Variants in ESYT2 observed in about 807,000 individuals in gnomAD.
The protein encoded by ESYT2 is extended synaptotagmin 2.
ESYT2 carries 54 observed loss-of-function variants against 107.2 expected under a neutral mutation model. The ratio of observed to expected loss-of-function variants is 0.50; its 90% CI spans 0.40 to 0.63. The LOEUF (loss-of-function observed/expected upper bound fraction) is 0.63, where lower values mean the gene tolerates loss of function less well. ESYT2 is among the 30% of genes least tolerant of loss of function. The probability of loss-of-function intolerance (pLI) is 0.00; values close to 1 mark genes in which losing one functional copy is unlikely to be tolerated. For missense variants in ESYT2, 1,020 were observed against 1,094.5 expected (o/e 0.93, Z 0.96); for synonymous variants, 491 against 434.1 (o/e 1.13, Z -1.63).
intron 1 of ESYT2, 152 bp downstream of exon 1, chr7:158,828,937 G>C: frequency 7.5e-7 from 1 of 1,329,930 alleles, no homozygotes; most frequent in Non-Finnish European, 9.8e-7. Flanking sequence ...CCTGGACCGG[G>C]GTGGGTGGGG....
intron 1 of ESYT2, among the ~76,000 whole-genome samples, chr7:158,815,170 A>C (rs1253758539): frequency 1.3e-5 from 2 of 152,200 alleles, no homozygotes; most frequent in Admixed American, 1.3e-4. Context: ...CACTCCTCCG[A>C]GTGCAGAGAG....
At chr7:158,763,381 G>A (rs1165461826) in intron 9 of ESYT2, among the ~76,000 whole-genome samples, 5 of 151,948 alleles carry the variant, frequency 3.3e-5, no homozygotes, top group East Asian at 1.9e-4. Context: ...TGCAACCTCC[G>A]CCTCCTGGGT....
intron 1 of ESYT2, among the ~76,000 whole-genome samples, chr7:158,826,593 C>T (rs542158411): frequency 1.9e-3 from 280 of 151,230 alleles, no homozygotes; most frequent in Admixed American, 3.3e-3. Context: ...GAGGCTGAGG[C>T]GGGTGGATCA....
At chr7:158,735,786 A>G (rs560762825) in intron 20 of ESYT2, among the ~76,000 whole-genome samples, 178 bp from the exon 21 acceptor site, 1 of 152,006 alleles carries the variant, frequency 6.6e-6, no homozygotes, top group Non-Finnish European at 1.5e-5. Flanking sequence ...AAAAACCAAC[A>G]TTTTTTTCAT....
chr7:158,746,253 C>CAT (rs1447280347), intron 16 of ESYT2, among the ~76,000 whole-genome samples: 1 of 150,904 alleles, frequency 6.6e-6, no homozygotes, highest in Non-Finnish European at 1.5e-5. Flanking sequence ...CACACACACA[C>CAT]ACGCCCCTCC....
chr7:158,738,878 C>A (rs1837083318), intron 19 of ESYT2, 145 bp downstream of exon 19: 3 of 803,910 alleles, frequency 3.7e-6, no homozygotes, highest in Non-Finnish European at 3.9e-6. Flanking sequence ...TTTACGAGCA[C>A]CGTCTCTAGA....
Position 158,828,667 on chromosome 7 carries a change from G to T in ESYT2, c.330+422C>A, listed in dbSNP as rs567602177. ...GGACGCCCGACTTGGACGGAGGGAG[G>T]GCACGGAGCACTCAGGACTAGGGCG... On this transcript the variant is annotated intron_variant, in intron 1 of 22. Coordinates refer to ENST00000275418, the MANE Select transcript of ESYT2 (RefSeq NM_001367773.1). Among the ~76,000 whole-genome samples the T allele has an allele frequency of 5.3e-5, 8 of 152,342 alleles. No homozygotes were observed. The East Asian group carries it at 1.5e-3, about 29-fold the overall frequency.
chr7:158,800,012 T>C (rs1437419071), intron 1 of ESYT2, among the ~76,000 whole-genome samples: 2 of 152,120 alleles, frequency 1.3e-5, no homozygotes, highest in Non-Finnish European at 2.9e-5. Context: ...CTATACACAT[T>C]TGCATATGCG....
At chr7:158,803,807 C>T (rs2602558) in intron 1 of ESYT2, among the ~76,000 whole-genome samples, 92,609 of 115,498 alleles carry the variant, frequency 0.8, 36,759 homozygotes, top group East Asian at 0.83. Context: ...AAACCCAAAC[C>T]GTTGAGAAGG....
chr7:158,775,702 G>A (rs1838538204), intron 6 of ESYT2, among the ~76,000 whole-genome samples: 3 of 152,076 alleles, frequency 2.0e-5, no homozygotes, highest in African/African-American at 7.2e-5. Context: ...TTCCACTGAA[G>A]TCTTAAACCC....
intron 16 of ESYT2, among the ~76,000 whole-genome samples, chr7:158,747,817 A>C (rs1393291545): frequency 6.6e-6 from 1 of 152,228 alleles, no homozygotes; most frequent in Non-Finnish European, 1.5e-5. Context: ...TCTTACTCAC[A>C]GGTAAATGGA....
At chr7:158,804,795 A>C (rs893360570) in intron 1 of ESYT2, among the ~76,000 whole-genome samples, 1 of 151,812 alleles carries the variant, frequency 6.6e-6, no homozygotes, top group Non-Finnish European at 1.5e-5. Flanking sequence ...ACTGTTGAGA[A>C]AGGTGAGGCG....
intron 8 of ESYT2, 147 bp downstream of exon 8, chr7:158,767,507 G>A (rs1415834057): frequency 1.8e-5 from 19 of 1,034,838 alleles, no homozygotes; most frequent in East Asian, 5.0e-5. Context: ...GGAAAGTGAC[G>A]GACAACCAAT....
chr7:158,804,388 T>C (rs527383171), intron 1 of ESYT2, among the ~76,000 whole-genome samples: 1 of 137,996 alleles, frequency 7.2e-6, no homozygotes, highest in African/African-American at 2.8e-5. Flanking sequence ...GTGAGGCGAG[T>C]GACAAACCCA....
At chr7:158,753,447 G>T (rs150024567) in intron 13 of ESYT2, among the ~76,000 whole-genome samples, 10 of 152,170 alleles carry the variant, frequency 6.6e-5, no homozygotes, top group African/African-American at 1.9e-4. Context: ...TACTTTTATT[G>T]ATTTTTTTCC....
chr7:158,737,968 T>C (rs1213499360), intron 19 of ESYT2, among the ~76,000 whole-genome samples: 2 of 152,146 alleles, frequency 1.3e-5, no homozygotes, highest in Non-Finnish European at 2.9e-5. Context: ...CAAGTTAAAA[T>C]AAATTCTTCC....
chr7:158,749,857 C>T, intron 14 of ESYT2, 134 bp from the exon 15 acceptor site: 3 of 773,508 alleles, frequency 3.9e-6, no homozygotes, highest in Admixed American at 3.0e-5. Context: ...TATCTGGGAA[C>T]AATTTAATGG....
At chr7:158,779,535 G>A (rs969050976) in intron 6 of ESYT2, among the ~76,000 whole-genome samples, 1 of 152,192 alleles carries the variant, frequency 6.6e-6, no homozygotes, top group Admixed American at 6.5e-5. Flanking sequence ...AAGACCTAGA[G>A]GAAGTAATCT....
At chr7:158,750,775 T>C (rs542043018) in intron 14 of ESYT2, among the ~76,000 whole-genome samples, 1 of 152,368 alleles carries the variant, frequency 6.6e-6, no homozygotes, top group African/African-American at 2.4e-5. Flanking sequence ...TGAGCACAAG[T>C]CCTCTGTAAA....
Sources: allele counts gnomAD v4.1 joint callset (sites outside exome capture counted in the v4.1 genomes callset), GRCh38; gene constraint gnomAD v4.1.1; transcripts MANE v1.5; gene names NCBI Gene and HGNC (gene_info 2026-07-23, HGNC 2026-07-21).